WDR27: variants seen among roughly 807,000 people sequenced by gnomAD.
The protein encoded by WDR27 is WD repeat-containing protein 27.
WDR27 carries 100 observed loss-of-function variants against 114.4 expected under a neutral mutation model. The ratio of observed to expected loss-of-function variants is 0.87; its 90% CI spans 0.74 to 1.03. The LOEUF is 1.03. Ranked by LOEUF, WDR27 falls within the 50% of genes least tolerant of loss-of-function variation. WDR27 has a pLI of 0.00. For missense variants in WDR27, 1,129 were observed against 1,092.9 expected, an observed-to-expected ratio of 1.03 and a Z score of -0.47; for synonymous variants, 449 against 423.1, an observed-to-expected ratio of 1.06 and a Z score of -0.75.
chr6:169,560,189 A>G (rs1799490630), intron 25 of WDR27, among the ~76,000 whole-genome samples: 1 of 152,100 alleles, frequency 6.6e-6, no homozygotes, highest in Admixed American at 6.5e-5. Context: ...TTCTCGTGAT[A>G]GTGACTAAGT....
At chr6:169,431,799 TCAAA>T in the WDR27 span, among the ~76,000 whole-genome samples, 1 of 152,212 alleles carries the variant, frequency 6.6e-6, no homozygotes, top group African/African-American at 2.4e-5. Flanking sequence ...TGAGGATCAT[TCAAA>T]CAATTTATTT....
rs192412200 is a variant in WDR27 at position 169,466,519 on chromosome 6, G to A, written c.2646-8885C>T. Among the ~76,000 whole-genome samples, 258 of 152,324 alleles carry A rather than the reference G, an allele frequency of 1.7e-3. 1 individual carries two copies. Among genetic ancestry groups the A allele is most frequent in the African/African-American group, 5.8e-3 (243 of 41,570 alleles). ...TTCACTCATCATCATGAGAACAAAT[G>A]AGGGTAACTGCTCCCACAATTCAAT... On this transcript the variant is annotated intron_variant, in intron 25 of 25. Coordinates refer to ENST00000448612, the MANE Select transcript of WDR27 (RefSeq NM_182552.5).
At chr6:169,583,009 G>T in intron 23 of WDR27, 75 bp from the exon 24 acceptor site, 1 of 1,305,910 alleles carries the variant, frequency 7.7e-7, no homozygotes. Flanking sequence ...CAGAGCAGAG[G>T]GACCATCTAT....
chr6:169,428,550 G>A, the WDR27 span, among the ~76,000 whole-genome samples: 5 of 144,608 alleles, frequency 3.5e-5, no homozygotes, highest in African/African-American at 1.3e-4. Flanking sequence ...GGGAAACCAC[G>A]GGTTAAATCA....
At chr6:169,666,405 C>T (rs1418043492) in intron 6 of WDR27, 1 of 985,320 alleles carries the variant, frequency 1.0e-6, no homozygotes, top group East Asian at 1.1e-4. Flanking sequence ...GTGGCATTTT[C>T]ATGTCACTTA....
chr6:169,472,604 A>C (rs1053093456), intron 25 of WDR27, among the ~76,000 whole-genome samples: 47 of 152,228 alleles, frequency 3.1e-4, no homozygotes, highest in African/African-American at 1.1e-3. Flanking sequence ...CATAAATGTT[A>C]TGAATTAAAC....
chr6:169,576,964 A>ACC (rs1802455289), intron 24 of WDR27, among the ~76,000 whole-genome samples: 1 of 113,448 alleles, frequency 8.8e-6, no homozygotes, highest in South Asian at 3.4e-4. Flanking sequence ...AATTATGAAA[A>ACC]TCACAGTTAA....
intron 12 of WDR27, 107 bp downstream of exon 12, chr6:169,658,979 G>A (rs570450716): frequency 2.6e-5 from 37 of 1,415,950 alleles, no homozygotes; most frequent in East Asian, 2.5e-4. Context: ...GAGCCACCGC[G>A]CCCGGCCAGA....
intron 24 of WDR27, among the ~76,000 whole-genome samples, chr6:169,575,135 A>G (rs1461210755): frequency 1.3e-5 from 2 of 152,130 alleles, no homozygotes; most frequent in African/African-American, 2.4e-5. Flanking sequence ...GCTTGCAGAC[A>G]GCAGATCTTG....
intron 24 of WDR27, among the ~76,000 whole-genome samples, chr6:169,576,851 C>G (rs538499906): frequency 6.6e-6 from 1 of 151,686 alleles, no homozygotes; most frequent in Non-Finnish European, 1.5e-5. Flanking sequence ...ACGGATCTTT[C>G]AAAATGTACC....
At chr6:169,444,775 A>G in the WDR27 span, among the ~76,000 whole-genome samples, 1 of 152,202 alleles carries the variant, frequency 6.6e-6, no homozygotes, top group East Asian at 1.9e-4. Context: ...CCAAGTGAAG[A>G]AAGTGTATAT....
chr6:169,689,516 A>G (rs1270570176), intron 1 of WDR27, among the ~76,000 whole-genome samples: 1 of 152,240 alleles, frequency 6.6e-6, no homozygotes, highest in African/African-American at 2.4e-5. Flanking sequence ...GGCTTGATTC[A>G]ACAATTTCAC....
chr6:169,567,751 A>G (rs907793058), intron 25 of WDR27, among the ~76,000 whole-genome samples: 11 of 152,170 alleles, frequency 7.2e-5, no homozygotes, highest in African/African-American at 2.7e-4. Flanking sequence ...AGAAGAGGCA[A>G]AACCCAGGGC....
At chr6:169,545,530 A>G (rs548768751) in intron 25 of WDR27, among the ~76,000 whole-genome samples, 16 of 152,168 alleles carry the variant, frequency 1.1e-4, no homozygotes, top group Admixed American at 3.9e-4. Context: ...AAAAATACAA[A>G]AATTAGTGCA....
chr6:169,652,812 G>A (rs1293872684), intron 13 of WDR27, among the ~76,000 whole-genome samples: 3 of 152,170 alleles, frequency 2.0e-5, no homozygotes, highest in African/African-American at 7.2e-5. Context: ...TCTTACTGAA[G>A]GTTTTGTTCT....
At chr6:169,545,653 T>G (rs749087608) in intron 25 of WDR27, among the ~76,000 whole-genome samples, 17 of 152,086 alleles carry the variant, frequency 1.1e-4, no homozygotes, top group Non-Finnish European at 1.9e-4. Context: ...GCTCCAGCCT[T>G]GGTGACAGAG....
chr6:169,610,362 A>G (rs188516405), intron 22 of WDR27, among the ~76,000 whole-genome samples: 2 of 152,364 alleles, frequency 1.3e-5, no homozygotes, highest in African/African-American at 4.8e-5. Flanking sequence ...TTGGACTTAC[A>G]GTTCCATAAG....
At position 169,634,537 on chromosome 6, in the gene WDR27, A is replaced by G. The variant is rs1241414093; in HGVS notation, c.2004-12T>C. ...TCTTCTGTTTATATCTGGAAGAGAA[A>G]ATCAAGATGATCAATATTTTTGCTT... On this transcript the variant is annotated splice_polypyrimidine_tract_variant and intron_variant, in intron 19 of 25. Coordinates refer to ENST00000448612, the MANE Select transcript of WDR27 (RefSeq NM_182552.5). 1 of 1,585,876 alleles carries G rather than the reference A, an allele frequency of 6.3e-7. No homozygotes were observed. Among genetic ancestry groups the G allele is most frequent in the Non-Finnish European group, 8.6e-7 (1 of 1,161,516 alleles).
At chr6:169,576,103 C>A (rs2128132827) in intron 24 of WDR27, among the ~76,000 whole-genome samples, 1 of 152,330 alleles carries the variant, frequency 6.6e-6, no homozygotes, top group South Asian at 2.1e-4. Flanking sequence ...AGAGACAGCA[C>A]CAGATGAACA....
Sources: allele counts gnomAD v4.1 joint callset (sites outside exome capture counted in the v4.1 genomes callset), GRCh38; gene constraint gnomAD v4.1.1; transcripts MANE v1.5; gene names NCBI Gene and HGNC (gene_info 2026-07-23, HGNC 2026-07-21).